Variants in NPSR1 observed in about 807,000 individuals in gnomAD.
NPSR1 encodes the protein neuropeptide S receptor.
Under a neutral mutation model 46.9 loss-of-function variants are expected in NPSR1, and 48 were observed. The ratio of observed to expected loss-of-function variants is 1.02; its 90% CI spans 0.81 to 1.30. The LOEUF (loss-of-function observed/expected upper bound fraction) is 1.30, where lower values mean the gene tolerates loss of function less well. NPSR1 is among the 50% of genes most tolerant of loss of function. NPSR1 has a pLI of 0.00. For synonymous variants in NPSR1, 176 were observed against 168.1 expected (o/e 1.05, Z -0.36); for missense variants, 450 against 449.5 (o/e 1.00, Z -0.01).
At chr7:34,864,292 AGCAAACCAGCATG>A (rs1400035878) in intron 8 of NPSR1, among the ~76,000 whole-genome samples, 3 of 151,452 alleles carry the variant, frequency 2.0e-5, no homozygotes, top group Non-Finnish European at 4.4e-5. Context: ...TGATGGGTGT[AGCAAACCAGCATG>A]GCACGTGTAT....
intron 1 of NPSR1, among the ~76,000 whole-genome samples, chr7:34,674,548 T>C (rs1308032249): frequency 6.6e-6 from 1 of 152,236 alleles, no homozygotes; most frequent in Non-Finnish European, 1.5e-5. Flanking sequence ...CATTGTCTTC[T>C]CACTGAGAAG....
intron 8 of NPSR1, among the ~76,000 whole-genome samples, chr7:34,871,347 C>G (rs956443906): frequency 6.6e-6 from 1 of 151,686 alleles, no homozygotes; most frequent in Non-Finnish European, 1.5e-5. Flanking sequence ...GATCCACCCC[C>G]ACGACACAAA....
chr7:34,681,554 T>C (rs1792635362), intron 1 of NPSR1, among the ~76,000 whole-genome samples: 1 of 152,178 alleles, frequency 6.6e-6, no homozygotes, highest in African/African-American at 2.4e-5. Flanking sequence ...CTTTTCCAGC[T>C]GGATAGTGTG....
Position 34,811,873 on chromosome 7 carries a change from C to A in NPSR1, c.478+10C>A, listed in dbSNP as rs747437542. Reference sequence around the variant, plus strand: ...AAGTTCCTTCAAGGAGGTGAGCTGGCTTTACCAGGTGCTCTTTCATAAAGA... The same window carrying A: ...AAGTTCCTTCAAGGAGGTGAGCTGGATTTACCAGGTGCTCTTTCATAAAGA... On this transcript the variant is annotated intron_variant, in intron 4 of 8. Coordinates refer to ENST00000360581, the MANE Select transcript of NPSR1 (RefSeq NM_207172.2). 1.3e-6 allele frequency: 2 copies of A among 1,594,882 alleles called. No individual in the cohort carries two copies. Among genetic ancestry groups the A allele is most frequent in the East Asian group, 4.5e-5 (2 of 44,708 alleles).
chr7:34,732,302 G>A (rs1014425249), intron 2 of NPSR1, among the ~76,000 whole-genome samples: 2 of 152,140 alleles, frequency 1.3e-5, no homozygotes, highest in Non-Finnish European at 2.9e-5. Flanking sequence ...TGCTGGAACA[G>A]GTCATGAGTG....
At chr7:34,775,530 T>A (rs1047444393) in intron 2 of NPSR1, among the ~76,000 whole-genome samples, 1 of 152,190 alleles carries the variant, frequency 6.6e-6, no homozygotes, top group African/African-American at 2.4e-5. Flanking sequence ...TTGGTCATAG[T>A]TCAATCTTGG....
At position 34,844,982 on chromosome 7, in the gene NPSR1, G is replaced by C. The variant is rs780380037; in HGVS notation, c.844G>C (p.Ala282Pro). ...AIKYSIIIILAFICCWSPYFL... is the reference protein window; with the variant it reads ...AIKYSIIIILPFICCWSPYFL... ...CAAGTATAGCATCATCATCATTCTT[G>C]GTAAGCAATGTCCCTCCTTGAGCTG... The change falls in exon 7 of 9, where the codon GCC becomes CCC. Residue 282 changes from alanine (A) to proline (P), a missense_variant and splice_region_variant. By Grantham distance (27) the Ala-to-Pro change is conservative. Coordinates refer to ENST00000360581, the MANE Select transcript of NPSR1 (RefSeq NM_207172.2). 8.1e-6 allele frequency: 13 copies of C among 1,604,646 alleles called. No homozygotes were observed. In the East Asian group the frequency reaches 2.0e-4, roughly 25 times the overall value.
At chr7:34,761,891 T>C (rs2128729307) in intron 2 of NPSR1, among the ~76,000 whole-genome samples, 1 of 152,268 alleles carries the variant, frequency 6.6e-6, no homozygotes, top group South Asian at 2.1e-4. Context: ...GGAGAAATAG[T>C]GGAGGCTCAA....
intron 1 of NPSR1, among the ~76,000 whole-genome samples, chr7:34,665,167 G>A (rs1447319396): frequency 2.0e-5 from 3 of 152,174 alleles, no homozygotes; most frequent in Non-Finnish European, 2.9e-5. Flanking sequence ...GGTCTGGATA[G>A]GTTAAGCTCT....
chr7:34,841,077 T>C (rs1440732337), intron 6 of NPSR1, among the ~76,000 whole-genome samples: 3 of 152,212 alleles, frequency 2.0e-5, no homozygotes, highest in Non-Finnish European at 2.9e-5. Flanking sequence ...CTAAAAATAA[T>C]GTTGAAGTTT....
chr7:34,727,308 C>A (rs1240912049), intron 2 of NPSR1, among the ~76,000 whole-genome samples: 1 of 152,024 alleles, frequency 6.6e-6, no homozygotes, highest in African/African-American at 2.4e-5. Flanking sequence ...TAAACAGGAT[C>A]TCCAGGAGGG....
intron 2 of NPSR1, among the ~76,000 whole-genome samples, chr7:34,765,566 G>A (rs1421888889): frequency 6.6e-6 from 1 of 152,012 alleles, no homozygotes; most frequent in Non-Finnish European, 1.5e-5. Flanking sequence ...CCCATTACTG[G>A]GCATATACCC....
rs766851559 is a variant in NPSR1, at chr7:34,684,693, C to T, written c.280+9C>T. The T allele has an allele frequency of 6.2e-7, 1 of 1,604,854 alleles. No individual in the cohort carries two copies. Among genetic ancestry groups the T allele is most frequent in the East Asian group, 2.2e-5 (1 of 44,450 alleles). Reference sequence around the variant, plus strand: ...TCAGCTGGCCATCACAGGTAAGTAACTATGCAAGTGAGAGGCAGGAAGCTA... The same window carrying T: ...TCAGCTGGCCATCACAGGTAAGTAATTATGCAAGTGAGAGGCAGGAAGCTA... On this transcript the variant is annotated intron_variant, in intron 2 of 8. Transcript: ENST00000360581.
At chr7:34,773,488 G>T (rs569421941) in intron 2 of NPSR1, among the ~76,000 whole-genome samples, 1 of 152,236 alleles carries the variant, frequency 6.6e-6, no homozygotes, top group South Asian at 2.1e-4. Flanking sequence ...ATGACTCAGA[G>T]ATCAGGAAAG....
chr7:34,782,577 T>C (rs1787277231), intron 3 of NPSR1, among the ~76,000 whole-genome samples: 1 of 152,072 alleles, frequency 6.6e-6, no homozygotes, highest in South Asian at 2.1e-4. Flanking sequence ...CCCTCCCTCA[T>C]AGGGCATGGT....
intron 4 of NPSR1, among the ~76,000 whole-genome samples, chr7:34,822,446 C>G (rs1164419003): frequency 6.6e-6 from 1 of 152,096 alleles, no homozygotes; most frequent in Non-Finnish European, 1.5e-5. Context: ...CTGCTATTTA[C>G]TGAAGCAGTA....
chr7:34,869,553 T>C (rs1255889821), intron 8 of NPSR1, among the ~76,000 whole-genome samples: 1 of 151,650 alleles, frequency 6.6e-6, no homozygotes, highest in East Asian at 1.9e-4. Context: ...TCCAAACTCA[T>C]CAGGGCCCTC....
intron 2 of NPSR1, among the ~76,000 whole-genome samples, chr7:34,705,959 A>G (rs1374351547): frequency 6.7e-6 from 1 of 150,206 alleles, no homozygotes; most frequent in East Asian, 1.9e-4. Flanking sequence ...AAGTCATTGG[A>G]TAAGATTATA....
At chr7:34,850,564 C>T (rs1168205354), downstream of NPSR1, among the ~76,000 whole-genome samples, 2 of 152,152 alleles carry the variant, frequency 1.3e-5, no homozygotes, top group Non-Finnish European at 2.9e-5. Flanking sequence ...CCACGCCTGG[C>T]TAATTTTTTG....
Sources: allele counts gnomAD v4.1 joint callset (sites outside exome capture counted in the v4.1 genomes callset), GRCh38; gene constraint gnomAD v4.1.1; transcripts MANE v1.5; gene names NCBI Gene and HGNC (gene_info 2026-07-23, HGNC 2026-07-21).